Variants in CADPS2 observed in about 807,000 individuals in gnomAD.
CADPS2 encodes calcium dependent secretion activator 2.
In CADPS2, 93 loss-of-function variants were observed where a neutral mutation model predicts 172.5. The ratio of observed to expected loss-of-function variants is 0.54; its 90% CI spans 0.46 to 0.64. The LOEUF (loss-of-function observed/expected upper bound fraction) is 0.64. CADPS2 is among the 30% of genes least tolerant of loss of function. CADPS2 has a pLI of 0.00. For synonymous variants in CADPS2, 546 were observed against 555.2 expected (o/e 0.98, Z 0.23); for missense variants, 1,420 against 1,565.9 (o/e 0.91, Z 1.57).
intron 25 of CADPS2, among the ~76,000 whole-genome samples, chr7:122,370,422 C>G (rs1274186877): frequency 2.0e-5 from 3 of 152,120 alleles, no homozygotes; most frequent in Non-Finnish European, 4.4e-5. Flanking sequence ...GGGGCAGAGT[C>G]ACAGTATATA....
intron 17 of CADPS2, chr7:122,436,366 C>A (rs1181348923): frequency 1.6e-6 from 2 of 1,279,508 alleles, no homozygotes; most frequent in South Asian, 2.5e-5. Context: ...TTACCTGTTT[C>A]CTTTTCTGCT....
At chr7:122,332,605 T>C (rs1170174908) in intron 28 of CADPS2, among the ~76,000 whole-genome samples, 4 of 152,164 alleles carry the variant, frequency 2.6e-5, no homozygotes, top group African/African-American at 9.7e-5. Context: ...AATAAATGCT[T>C]GTTGAATGCT....
intron 2 of CADPS2, among the ~76,000 whole-genome samples, chr7:122,695,000 C>T (rs1655912200): frequency 1.3e-5 from 2 of 152,152 alleles, no homozygotes; most frequent in African/African-American, 2.4e-5. Context: ...GTTTAAATCC[C>T]ATCAGAAAAG....
chr7:122,811,431 T>C (rs1799998641), intron 1 of CADPS2, among the ~76,000 whole-genome samples: 2 of 152,202 alleles, frequency 1.3e-5, no homozygotes, highest in Admixed American at 1.3e-4. Context: ...GAGTCCAAAA[T>C]GTAGCTGCTT....
intron 3 of CADPS2, among the ~76,000 whole-genome samples, chr7:122,645,246 C>CATAT (rs5887105): frequency 5.7e-5 from 8 of 139,562 alleles, no homozygotes; most frequent in Non-Finnish European, 1.2e-4. Flanking sequence ...TATATACACA[C>CATAT]ATGTACATGT....
intron 3 of CADPS2, among the ~76,000 whole-genome samples, chr7:122,662,375 C>CTT (rs57852366): frequency 2.3e-5 from 3 of 127,744 alleles, no homozygotes; most frequent in African/African-American, 5.8e-5. Context: ...TCCTTCCCTG[C>CTT]TTTTTTTTTT....
intron 6 of CADPS2, among the ~76,000 whole-genome samples, chr7:122,609,387 A>G (rs1035197433): frequency 1.6e-4 from 24 of 152,202 alleles, no homozygotes; most frequent in African/African-American, 5.3e-4. Flanking sequence ...GTAAAATGCT[A>G]TAAAAGTGTA....
rs547820996 is a variant in CADPS2, at chr7:122,324,535, G to A, written c.3717+942C>T. Among the ~76,000 whole-genome samples, 7 of 152,200 alleles carry A rather than the reference G, an allele frequency of 4.6e-5. No homozygotes were observed. In the South Asian group the frequency reaches 1.4e-3, roughly 32 times the overall value. ...TCTGGGGTGGGGCCCAAGAATTTGTGGTTCTAACAAGTTCCCAGGTGATGA... is the reference window on the plus strand; with the variant it reads ...TCTGGGGTGGGGCCCAAGAATTTGTAGTTCTAACAAGTTCCCAGGTGATGA... On this transcript the variant is annotated intron_variant, in intron 29 of 29. Coordinates refer to ENST00000449022, the MANE Select transcript of CADPS2 (RefSeq NM_017954.11).
intron 17 of CADPS2, among the ~76,000 whole-genome samples, chr7:122,419,451 A>G (rs2048302635): frequency 6.6e-6 from 1 of 152,186 alleles, no homozygotes; most frequent in Admixed American, 6.5e-5. Flanking sequence ...CCTCAAGAGC[A>G]TATCACTTAT....
chr7:122,726,806 TAG>T (rs1366767772), intron 2 of CADPS2, among the ~76,000 whole-genome samples: 7 of 144,736 alleles, frequency 4.8e-5, no homozygotes, highest in Admixed American at 4.1e-4. Context: ...ACATATAAGA[TAG>T]AGTTTGCTTG....
chr7:122,559,262 C>T (rs7781627), intron 7 of CADPS2, among the ~76,000 whole-genome samples: 56,390 of 151,854 alleles, frequency 0.37, 10,865 homozygotes, highest in Middle Eastern at 0.44. Flanking sequence ...ACTGTAACAG[C>T]GGCACCCTAG....
At position 122,778,070 on chromosome 7, in the gene CADPS2, T is replaced by C. The variant is rs1223223022; in HGVS notation, c.340-41002A>G. Among the ~76,000 whole-genome samples the C allele has an allele frequency of 3.3e-5, 5 of 152,080 alleles. No homozygotes were observed. In the East Asian group the frequency reaches 9.7e-4, roughly 29 times the overall value. ...AGAAGACAAGAAAATGTAGGAAAGT[T>C]TGGAGCTTCCTAGAGACTTGTTGAA... On this transcript the variant is annotated intron_variant, in intron 1 of 29. Coordinates refer to ENST00000449022, the MANE Select transcript of CADPS2 (RefSeq NM_017954.11).
chr7:122,768,566 G>C (rs906118890), intron 1 of CADPS2, among the ~76,000 whole-genome samples: 3 of 152,016 alleles, frequency 2.0e-5, no homozygotes, highest in East Asian at 3.9e-4. Flanking sequence ...AGAGGATTCT[G>C]ACTTTCTAAA....
chr7:122,581,710 C>T (rs2068846431), intron 6 of CADPS2, among the ~76,000 whole-genome samples: 1 of 152,040 alleles, frequency 6.6e-6, no homozygotes, highest in African/African-American at 2.4e-5. Flanking sequence ...AGACTTTACC[C>T]CACCTGAGAG....
chr7:122,669,658 T>C (rs1344811861), intron 2 of CADPS2, among the ~76,000 whole-genome samples: 1 of 151,864 alleles, frequency 6.6e-6, no homozygotes, highest in Non-Finnish European at 1.5e-5. Context: ...CCCACAATCA[T>C]AAGGCGGCTA....
At chr7:122,406,572 C>T (rs1382238684) in intron 20 of CADPS2, among the ~76,000 whole-genome samples, 1 of 152,040 alleles carries the variant, frequency 6.6e-6, no homozygotes, top group Non-Finnish European at 1.5e-5. Context: ...CAGAAGAACA[C>T]TGAGAAATGG....
intron 11 of CADPS2, 26 bp downstream of exon 11, chr7:122,490,055 T>C (rs1387517909): frequency 6.3e-7 from 1 of 1,599,946 alleles, no homozygotes; most frequent in Admixed American, 1.7e-5. Flanking sequence ...TAATTGATAA[T>C]CAAATTATTT....
intron 12 of CADPS2, among the ~76,000 whole-genome samples, chr7:122,480,281 T>C (rs1437624549): frequency 1.4e-5 from 2 of 146,024 alleles, no homozygotes; most frequent in Non-Finnish European, 1.5e-5. Flanking sequence ...TGTCTTCCAG[T>C]AAGTTAGATT....
chr7:122,424,443 AGT>A (rs1408223685), intron 17 of CADPS2: 2 of 389,562 alleles, frequency 5.1e-6, no homozygotes, highest in Non-Finnish European at 7.0e-6. Context: ...CAAACTGAGC[AGT>A]CTCCATAAGC....
Sources: gnomAD v4.1 joint callset for allele counts (sites outside exome capture counted in the v4.1 genomes callset) on GRCh38, gnomAD v4.1.1 for gene constraint, MANE v1.5 for transcripts, NCBI Gene and HGNC (gene_info 2026-07-23, HGNC 2026-07-21) for gene names.